The following SNTG2 variants were observed in gnomAD, a reference collection of about 807,000 sequenced individuals.
The protein encoded by SNTG2 is syntrophin gamma 2.
Under a neutral mutation model 70.9 loss-of-function variants are expected in SNTG2, and 74 were observed. The observed-to-expected ratio is 1.04, with a 90% CI of 0.86 to 1.27. The LOEUF is 1.27. Ranked by LOEUF, SNTG2 falls within the 50% of genes most tolerant of loss-of-function variation. The probability of loss-of-function intolerance (pLI) is 0.00; values close to 1 mark genes in which losing one functional copy is unlikely to be tolerated. For synonymous variants in SNTG2, 278 were observed against 273.8 expected, an observed-to-expected ratio of 1.02 and a Z score of -0.15; for missense variants, 717 against 690.7, an observed-to-expected ratio of 1.04 and a Z score of -0.43.
chr2:1,143,885 A>ACG lies in SNTG2; in HGVS notation c.411+6077_411+6078insGC, dbSNP rs1553338034. Among the ~76,000 whole-genome samples, 7 of 140,710 alleles carry ACG rather than the reference A, an allele frequency of 5.0e-5. 1 individual carries two copies. The highest frequency in any genetic ancestry group is 2.0e-4 in the African/African-American group (7 of 35,408). 92.3% of individuals were successfully genotyped at this position (140,710 alleles called of 152,430 possible). ...GAGACTCTGTCTCAAACAACAAACA[A>ACG]CCCCCCCCCAGAAAAAGAAAATATT... On this transcript the variant is annotated intron_variant, in intron 6 of 16. Transcript: ENST00000308624.
chr2:1,018,051 G>A (rs1659966546), intron 1 of SNTG2, among the ~76,000 whole-genome samples: 1 of 152,176 alleles, frequency 6.6e-6, no homozygotes, highest in Admixed American at 6.5e-5. Context: ...CCATGCATAA[G>A]AAATGTAAAG....
intron 1 of SNTG2, among the ~76,000 whole-genome samples, chr2:1,020,574 T>A (rs1402607164): frequency 1.9e-5 from 1 of 53,706 alleles, no homozygotes; most frequent in Non-Finnish European, 4.1e-5. Context: ...AATTTTTTTT[T>A]TAAAAAAATT....
intron 1 of SNTG2, among the ~76,000 whole-genome samples, chr2:968,602 T>G (rs1260016141): frequency 2.0e-5 from 3 of 152,208 alleles, no homozygotes; most frequent in Non-Finnish European, 4.4e-5. Flanking sequence ...TTATTGCCAG[T>G]GTTTACCACC....
At chr2:1,046,394 T>TCATC (rs1312880857) in intron 1 of SNTG2, among the ~76,000 whole-genome samples, 2 of 152,304 alleles carry the variant, frequency 1.3e-5, no homozygotes, top group Middle Eastern at 6.8e-3. Context: ...TTCGATCCTG[T>TCATC]CATCGTGTTA....
At chr2:1,023,138 A>G (rs1297445485) in intron 1 of SNTG2, among the ~76,000 whole-genome samples, 1 of 147,042 alleles carries the variant, frequency 6.8e-6, no homozygotes, top group Admixed American at 7.2e-5. Context: ...AGATATTCAC[A>G]TAGGTTTTTT....
At chr2:1,171,998 A>G (rs1457373939) in intron 7 of SNTG2, among the ~76,000 whole-genome samples, 3 of 152,184 alleles carry the variant, frequency 2.0e-5, no homozygotes, top group Non-Finnish European at 2.9e-5. Flanking sequence ...CCCAGGAAAT[A>G]GACGGCACAA....
chr2:1,065,702 T>C (rs1237045462), intron 1 of SNTG2, among the ~76,000 whole-genome samples: 1 of 141,398 alleles, frequency 7.1e-6, no homozygotes, highest in Non-Finnish European at 1.6e-5. Context: ...CTGCTCAGCT[T>C]TATATATTTG....
At chr2:1,227,902 C>T (rs922492814) in intron 9 of SNTG2, among the ~76,000 whole-genome samples, 2 of 152,214 alleles carry the variant, frequency 1.3e-5, no homozygotes, top group Non-Finnish European at 2.9e-5. Flanking sequence ...CTCTGCTGGG[C>T]AGGTCGGACT....
At chr2:1,096,481 G>A (rs1158953119) in intron 2 of SNTG2, among the ~76,000 whole-genome samples, 2 of 151,834 alleles carry the variant, frequency 1.3e-5, no homozygotes, top group Non-Finnish European at 2.9e-5. Context: ...CTGCACCTCC[G>A]CCCCCCAACC....
intron 14 of SNTG2, among the ~76,000 whole-genome samples, chr2:1,272,412 C>T (rs1002097539): frequency 1.3e-5 from 2 of 148,644 alleles, no homozygotes; most frequent in African/African-American, 5.0e-5. Context: ...GCTCACTAAC[C>T]CAGCTCCTGC....
At chr2:1,023,668 G>A (rs1016467268) in intron 1 of SNTG2, among the ~76,000 whole-genome samples, 49 of 152,236 alleles carry the variant, frequency 3.2e-4, no homozygotes, top group Non-Finnish European at 2.1e-4. Flanking sequence ...AAGGACACTC[G>A]CGTTGCCCAG....
chr2:1,334,211 T>C (rs1246386955), intron 16 of SNTG2, among the ~76,000 whole-genome samples: 2 of 152,160 alleles, frequency 1.3e-5, no homozygotes, highest in Admixed American at 1.3e-4. Flanking sequence ...ATCAGTAATT[T>C]GCAGGGAAAT....
chr2:956,316 G>C (rs567950541), intron 1 of SNTG2, among the ~76,000 whole-genome samples: 2 of 151,630 alleles, frequency 1.3e-5, no homozygotes, highest in African/African-American at 4.9e-5. Context: ...GGCATTCTGC[G>C]CGGACCTTTC....
At chr2:1,166,562 G>A (rs1304315335) in intron 7 of SNTG2, among the ~76,000 whole-genome samples, 1 of 152,166 alleles carries the variant, frequency 6.6e-6, no homozygotes, top group Non-Finnish European at 1.5e-5. Flanking sequence ...ATCAGTAGTT[G>A]AGTTCTGATC....
intron 4 of SNTG2, among the ~76,000 whole-genome samples, chr2:1,118,427 T>A (rs1306701508): frequency 1.3e-5 from 2 of 152,092 alleles, no homozygotes; most frequent in Non-Finnish European, 2.9e-5. Context: ...CTGACATTCA[T>A]TACAACTGAA....
chr2:1,117,735 C>G (rs1667127897), intron 4 of SNTG2, among the ~76,000 whole-genome samples: 1 of 152,248 alleles, frequency 6.6e-6, no homozygotes, highest in Non-Finnish European at 1.5e-5. Flanking sequence ...CCTCACTGCA[C>G]TGCTCCCCAC....
chr2:973,156 A>T (rs1265813779), intron 1 of SNTG2, among the ~76,000 whole-genome samples: 1 of 152,154 alleles, frequency 6.6e-6, no homozygotes, highest in Non-Finnish European at 1.5e-5. Flanking sequence ...ACTGTCCTTT[A>T]TCCCTTTATT....
At chr2:980,388 C>T (rs962160795) in intron 1 of SNTG2, among the ~76,000 whole-genome samples, 1 of 152,126 alleles carries the variant, frequency 6.6e-6, no homozygotes, top group Admixed American at 6.5e-5. Context: ...ATTCTGTTTC[C>T]TATGGATCTG....
At chr2:1,189,866 A>G (rs1558510462) in intron 8 of SNTG2, among the ~76,000 whole-genome samples, 1 of 152,142 alleles carries the variant, frequency 6.6e-6, no homozygotes, top group Non-Finnish European at 1.5e-5. Context: ...TCTTATATGG[A>G]ATACTTCATA....
Sources: allele counts gnomAD v4.1 joint callset (sites outside exome capture counted in the v4.1 genomes callset), GRCh38; gene constraint gnomAD v4.1.1; transcripts MANE v1.5; gene names NCBI Gene and HGNC (gene_info 2026-07-23, HGNC 2026-07-21).